The following MACROD2 variants were observed in gnomAD, a reference collection of about 807,000 sequenced individuals.
MACROD2 encodes ADP-ribose glycohydrolase MACROD2.
In MACROD2, 36 loss-of-function variants were observed where a neutral mutation model predicts 70.4. That is an observed-to-expected ratio of 0.51 (90% confidence interval 0.39 to 0.68). MACROD2 has a LOEUF of 0.68. MACROD2 is among the 30% of genes least tolerant of loss of function. MACROD2 has a pLI of 0.00. For synonymous variants in MACROD2, 172 were observed against 178.8 expected, an observed-to-expected ratio of 0.96 and a Z score of 0.30; for missense variants, 496 against 538.4, an observed-to-expected ratio of 0.92 and a Z score of 0.78.
intron 8 of MACROD2, among the ~76,000 whole-genome samples, chr20:15,671,085 A>G (rs968518061): frequency 8.5e-5 from 13 of 152,316 alleles, no homozygotes; most frequent in Admixed American, 6.5e-4. Context: ...GGGCTCTATC[A>G]TGCAATGGTT....
chr20:15,135,207 C>T (rs1438074731), intron 5 of MACROD2, among the ~76,000 whole-genome samples: 1 of 150,858 alleles, frequency 6.6e-6, no homozygotes, highest in Non-Finnish European at 1.5e-5. Flanking sequence ...CTCCCTAACT[C>T]ATTTTATGAG....
At chr20:15,356,043 TA>T (rs1387837208) in intron 6 of MACROD2, among the ~76,000 whole-genome samples, 17 of 152,328 alleles carry the variant, frequency 1.1e-4, no homozygotes, top group African/African-American at 3.8e-4. Context: ...TAAATGATAT[TA>T]GGTGTTGCTT....
At chr20:14,371,083 AT>A (rs1282262120) in intron 3 of MACROD2, among the ~76,000 whole-genome samples, 1 of 152,190 alleles carries the variant, frequency 6.6e-6, no homozygotes, top group Non-Finnish European at 1.5e-5. Flanking sequence ...TATGCCTTGT[AT>A]TAGTTATAAT....
intron 12 of MACROD2, among the ~76,000 whole-genome samples, chr20:15,940,023 G>GA (rs550930656): frequency 1.3e-5 from 2 of 151,800 alleles, no homozygotes; most frequent in African/African-American, 4.8e-5. Context: ...TATTTATTAA[G>GA]AAAAAAAAGT....
At chr20:14,026,924 C>G (rs747546719) in intron 2 of MACROD2, among the ~76,000 whole-genome samples, 4 of 152,172 alleles carry the variant, frequency 2.6e-5, no homozygotes, top group Non-Finnish European at 5.9e-5. Context: ...AGCAGTGGAT[C>G]TCCCAGCACA....
intron 3 of MACROD2, among the ~76,000 whole-genome samples, chr20:14,394,457 A>G (rs947236737): frequency 6.6e-6 from 1 of 152,218 alleles, no homozygotes; most frequent in Non-Finnish European, 1.5e-5. Context: ...GCTCTCATAA[A>G]TTGCAACCCT....
At chr20:14,054,521 A>T (rs957973333) in intron 2 of MACROD2, among the ~76,000 whole-genome samples, 2 of 152,090 alleles carry the variant, frequency 1.3e-5, no homozygotes, top group African/African-American at 4.8e-5. Context: ...TAAAGAAAAG[A>T]TGTGATAGAA....
intron 4 of MACROD2, among the ~76,000 whole-genome samples, chr20:14,638,705 C>G (rs1984918608): frequency 6.6e-6 from 1 of 152,146 alleles, no homozygotes. Context: ...AATCCCAACA[C>G]TTTGTGAGGC....
chr20:15,988,353 T>C (rs549112570), intron 15 of MACROD2, among the ~76,000 whole-genome samples: 14 of 152,260 alleles, frequency 9.2e-5, no homozygotes. Context: ...TCCTCAATTG[T>C]AGTTTAAAAA....
chr20:14,084,697 G>T (rs1464280037), intron 2 of MACROD2, among the ~76,000 whole-genome samples: 1 of 152,016 alleles, frequency 6.6e-6, no homozygotes. Flanking sequence ...GCTGTTGTGT[G>T]TTGGGGTAGA....
intron 6 of MACROD2, among the ~76,000 whole-genome samples, chr20:15,244,790 CAGT>C (rs1361748943): frequency 3.3e-5 from 5 of 152,106 alleles, no homozygotes; most frequent in Non-Finnish European, 7.4e-5. Context: ...ATATTTTAAA[CAGT>C]AGTAAAGGCA....
chr20:14,974,735 T>C (rs905561270), intron 5 of MACROD2, among the ~76,000 whole-genome samples: 2 of 152,152 alleles, frequency 1.3e-5, no homozygotes, highest in African/African-American at 4.8e-5. Flanking sequence ...TCTCTCCTAC[T>C]GCAGTTTGCA....
chr20:15,026,260 G>A (rs2075230682), intron 5 of MACROD2, among the ~76,000 whole-genome samples: 2 of 152,038 alleles, frequency 1.3e-5, no homozygotes, highest in African/African-American at 4.8e-5. Context: ...AGTTCTTTAA[G>A]GAAACAAGAT....
intron 3 of MACROD2, among the ~76,000 whole-genome samples, chr20:14,191,869 G>A (rs1488963495): frequency 5.9e-5 from 9 of 152,118 alleles, no homozygotes; most frequent in Admixed American, 5.9e-4. Flanking sequence ...GTCAATTTTA[G>A]TGAGGACTTT....
chr20:14,065,485 A>G (rs2053744713), intron 2 of MACROD2, among the ~76,000 whole-genome samples: 2 of 152,314 alleles, frequency 1.3e-5, no homozygotes, highest in South Asian at 2.1e-4. Context: ...CAAAGTATGT[A>G]TAGGGTATTG....
At chr20:14,069,188 C>T (rs1054849370) in intron 2 of MACROD2, among the ~76,000 whole-genome samples, 4 of 152,242 alleles carry the variant, frequency 2.6e-5, no homozygotes, top group Non-Finnish European at 5.9e-5. Flanking sequence ...TTCAAGTGAT[C>T]AGCCTGCCTC....
At chr20:14,962,352 A>G (rs147981501) in intron 5 of MACROD2, among the ~76,000 whole-genome samples, 2,411 of 151,972 alleles carry the variant, frequency 0.016, 62 homozygotes, top group African/African-American at 0.053. Flanking sequence ...AGGCTGGAGT[A>G]CATTGGCTCA....
At chr20:14,177,054 T>C (rs2081268238) in intron 3 of MACROD2, among the ~76,000 whole-genome samples, 1 of 152,200 alleles carries the variant, frequency 6.6e-6, no homozygotes, top group South Asian at 2.1e-4. Context: ...ACTTCCCCTC[T>C]TTGTATACAA....
intron 4 of MACROD2, among the ~76,000 whole-genome samples, chr20:14,553,514 AT>A (rs956764011): frequency 1.3e-5 from 2 of 150,290 alleles, no homozygotes; most frequent in Non-Finnish European, 2.9e-5. Context: ...ATTATCAATT[AT>A]TATGTACTGT....
Sources: gnomAD v4.1 joint callset for allele counts (sites outside exome capture counted in the v4.1 genomes callset) on GRCh38, gnomAD v4.1.1 for gene constraint, MANE v1.5 for transcripts, NCBI Gene and HGNC (gene_info 2026-07-23, HGNC 2026-07-21) for gene names.